The following QRICH2 variants were observed in gnomAD, a reference collection of about 807,000 sequenced individuals.
The protein encoded by QRICH2 is glutamine rich 2.
QRICH2 carries 119 observed loss-of-function variants against 168.3 expected under a neutral mutation model. The observed-to-expected ratio is 0.71, with a 90% confidence interval of 0.61 to 0.82. The LOEUF (loss-of-function observed/expected upper bound fraction) is 0.82, where lower values mean the gene tolerates loss of function less well. QRICH2 is among the 40% of genes least tolerant of loss of function. The pLI is 0.00. For missense variants in QRICH2, 2,241 were observed against 2,491.6 expected, an observed-to-expected ratio of 0.90 and a Z score of 2.14; for synonymous variants, 894 against 951.2, an observed-to-expected ratio of 0.94 and a Z score of 1.11.
intron 6 of QRICH2, 116 bp from the exon 7 acceptor site, chr17:76,287,422 C>A: frequency 1.4e-6 from 1 of 738,376 alleles, no homozygotes; most frequent in Non-Finnish European, 2.4e-6. Context: ...TCACCCTCCA[C>A]CCCCCTCCAA....
In QRICH2 at chr17:76,305,037, TCAGA is replaced by T. The variant is rs1030683854; in HGVS notation, c.535-100_535-97del. On this transcript the variant is annotated intron_variant, in intron 1 of 18. Transcript: ENST00000680821. Reference sequence around the variant, plus strand: ...CAGATGCGCACACACACTCTCACACTCAGACACACACATGCATACACGCACATTC... The same window carrying T: ...CAGATGCGCACACACACTCTCACACTCACACACATGCATACACGCACATTC... The T allele has an allele frequency of 4.7e-4, 401 of 846,522 alleles. 1 individual carries two copies. In the African/African-American group the frequency reaches 5.5e-3, roughly 12 times the overall value. 52.4% of individuals were successfully genotyped at this position (846,522 alleles called of 1,614,324 possible). A position where few individuals can be genotyped will look rare whatever the true frequency, so the allele number is the denominator to read the frequency against.
Position 76,292,355 on chromosome 17 carries a change from A to G in QRICH2, c.2372T>C (p.Leu791Ser). 6.4e-7 allele frequency: 1 copy of G among 1,551,120 alleles called. No individual in the cohort carries two copies. The highest frequency in any genetic ancestry group is 8.7e-7 in the Non-Finnish European group (1 of 1,149,760). The change falls in exon 4 of 19, where the codon TTG becomes TCG. Residue 791 changes from leucine (L) to serine (S), a missense_variant. Leu to Ser is a moderately radical substitution (Grantham distance 145). Around this residue, in one of 3 missense-constraint regions of QRICH2, gnomAD observed 2,047 missense variants for 2,303.8 expected, o/e 0.89. Transcript: ENST00000680821. ...LAQPGEVQRS[L>S]VQPGIVQRGL... ...ACGCTGAACTATACCAGGTTGCACCAAACTACGCTGAACTTCACCAGGTTG... is the reference window on the plus strand; with the variant it reads ...ACGCTGAACTATACCAGGTTGCACCGAACTACGCTGAACTTCACCAGGTTG...
At position 76,281,734 on chromosome 17, in the gene QRICH2, A is replaced by C; in HGVS notation, c.4263+130T>G. On this transcript the variant is annotated intron_variant, in intron 8 of 18. Coordinates refer to ENST00000680821, the MANE Select transcript of QRICH2 (RefSeq NM_001388453.1). This position sits in a 1 kb window ranked among gnomAD's most constrained non-coding sequence, Gnocchi z 4.4. ...AGGGACTCTTGTGGGATCTGGCTAA[A>C]GGGCTCCGCCACGGAGAGCTGACCT... is the stretch of plus-strand genomic sequence containing the variant. 5 of 1,141,950 alleles carry C rather than the reference A, an allele frequency of 4.4e-6. No homozygotes were observed. The South Asian group carries it at 7.1e-5, about 16-fold the overall frequency. 70.7% of individuals were successfully genotyped at this position (1,141,950 alleles called of 1,614,324 possible). A position where few individuals can be genotyped will look rare whatever the true frequency, so the allele number is the denominator to read the frequency against.
Position 76,293,390 on chromosome 17 carries a change from G to T in QRICH2, c.1337C>A (p.Ser446Ter). 6.2e-7 allele frequency: 1 copy of T among 1,614,224 alleles called. No individual in the cohort carries two copies. The highest frequency in any genetic ancestry group is 8.5e-7 in the Non-Finnish European group (1 of 1,180,040). ...TCCTTGCTGGTCTCTGCCAGGTACTGATGGTGGCAACATACGTTGCTCATC... is the reference window on the plus strand; with the variant it reads ...TCCTTGCTGGTCTCTGCCAGGTACTTATGGTGGCAACATACGTTGCTCATC... The part of the protein sequence containing the change: ...VVDEQRMLPP[S>*]VPGRDQQGLE... Residue 446 changes from serine (S) to a stop codon, truncating the protein, a stop_gained, in exon 4 of 19, where the codon TCA (serine) becomes TAA (stop). Transcript: ENST00000680821. LOFTEE classifies it high-confidence loss of function.
intron 1 of QRICH2, among the ~76,000 whole-genome samples, chr17:76,305,493 G>T (rs532953841): frequency 2.0e-5 from 3 of 152,264 alleles, no homozygotes; most frequent in East Asian, 1.9e-4. Context: ...GTCAGCCCAG[G>T]CTCCTGGGTC....
Position 76,281,217 on chromosome 17 carries a change from G to A in QRICH2, c.4264-264C>T, listed in dbSNP as rs1358118636. Among the ~76,000 whole-genome samples, 1 of 152,178 alleles carries A rather than the reference G, an allele frequency of 6.6e-6. No individual in the cohort carries two copies. Among genetic ancestry groups the A allele is most frequent in the Non-Finnish European group, 1.5e-5 (1 of 68,022 alleles). Reference sequence around the variant, plus strand: ...GAAAACAATTTTCCACTAACAGTGCGGGAGGCCCTCTGTCTGCCCTTTCTG... The same window carrying A: ...GAAAACAATTTTCCACTAACAGTGCAGGAGGCCCTCTGTCTGCCCTTTCTG... On this transcript the variant is annotated intron_variant, in intron 8 of 18. Transcript: ENST00000680821. This position sits in a 1 kb window ranked among gnomAD's most constrained non-coding sequence, Gnocchi z 4.4.
intron 3 of QRICH2, among the ~76,000 whole-genome samples, chr17:76,304,078 A>T (rs346789): frequency 4.6e-5 from 7 of 151,792 alleles, no homozygotes; most frequent in African/African-American, 1.7e-4. Flanking sequence ...TGGCAAAGCT[A>T]AAAAAATTGG....
Position 76,292,019 on chromosome 17 carries a change from T to G in QRICH2, c.2708A>C (p.Gln903Pro). 4.3e-6 allele frequency: 7 copies of G among 1,614,236 alleles called. No homozygotes were observed. Among genetic ancestry groups the G allele is most frequent in the Non-Finnish European group, 5.9e-6 (7 of 1,180,046 alleles). ...CATACCCAGCTGACCTGCACCAGGC[T>G]GGACCAAACCAGGCTGATCTGCACC... is the stretch of plus-strand genomic sequence containing the variant. Reference protein sequence around the residue: ...QPGADQPGLVQPGAGQLGMVQ... With the variant: ...QPGADQPGLVPPGAGQLGMVQ... Residue 903 changes from glutamine to proline, a missense_variant, in exon 4 of 19, where the codon CAG becomes CCG. Physicochemically the swap from Gln to Pro is moderately conservative, Grantham distance 76. This residue lies in a region of QRICH2 where 2,047 missense variants were observed against 2,303.8 expected (regional missense o/e 0.89). Coordinates refer to ENST00000680821, the MANE Select transcript of QRICH2 (RefSeq NM_001388453.1).
At chr17:76,304,358 G>A (rs2070954802) in intron 3 of QRICH2, 57 bp downstream of exon 3, 1 of 1,093,382 alleles carries the variant, frequency 9.1e-7, no homozygotes, top group Non-Finnish European at 1.4e-6. Flanking sequence ...GCTGTACAAA[G>A]CGAGAAGTTC....
At position 76,281,137 on chromosome 17, in the gene QRICH2, C is replaced by T. The variant is rs1568108009; in HGVS notation, c.4264-184G>A. The stretch of plus-strand genomic sequence containing the variant: ...GTGAGGCGAGAGGATCACTTGAGCC[C>T]AGGAGTTCAAGAACAGCCTGGGCAA... On this transcript the variant is annotated intron_variant, in intron 8 of 18. Coordinates refer to ENST00000680821, the MANE Select transcript of QRICH2 (RefSeq NM_001388453.1). The surrounding 1 kb of genome is among the most constrained non-coding windows in gnomAD (Gnocchi z 4.4). 6.6e-6 allele frequency among the ~76,000 whole-genome samples: 1 copy of T among 152,182 alleles called. No homozygotes were observed.
intron 18 of QRICH2, among the ~76,000 whole-genome samples, chr17:76,275,339 C>T (rs1360313876): frequency 2.0e-5 from 3 of 152,154 alleles, no homozygotes; most frequent in Non-Finnish European, 4.4e-5. Context: ...GGCTGCAGGG[C>T]CTTGTTACCA....
In QRICH2 at chr17:76,277,238, G is replaced by A. The variant is rs746391928; in HGVS notation, c.5190C>T (p.Tyr1730=). Residue 1730 remains tyrosine, a synonymous_variant, in exon 16 of 19, where the codon TAC becomes TAT. Transcript: ENST00000680821. Reference sequence around the variant, plus strand: ...GCTGCGGGCGGCTGCGGTGGTAGGGGTAGGTGAGGGTGTGGCTGCCCCCGC... The same window carrying A: ...GCTGCGGGCGGCTGCGGTGGTAGGGATAGGTGAGGGTGTGGCTGCCCCCGC... ...RRCGGSHTLT[Y]PYHRSRPQHL... 6.2e-7 allele frequency: 1 copy of A among 1,603,720 alleles called. No individual in the cohort carries two copies. The highest frequency in any genetic ancestry group is 1.1e-5 in the South Asian group (1 of 89,888).
rs911583751 is a variant in QRICH2, at chr17:76,292,695, G to T, written c.2032C>A (p.Arg678Ser). The T allele has an allele frequency of 6.2e-7, 1 of 1,613,416 alleles. No individual in the cohort carries two copies. Among genetic ancestry groups the T allele is most frequent in the African/African-American group, 1.3e-5 (1 of 74,666 alleles). The change falls in exon 4 of 19, where the codon CGT becomes AGT. Residue 678 changes from arginine (R) to serine (S), a missense_variant. Transcript: ENST00000680821. Reference sequence around the variant, plus strand: ...TATGCACCAGGCTGCACCAAAGCACGCTGAAATCTGCCAGGTTGGACCATG... The same window carrying T: ...TATGCACCAGGCTGCACCAAAGCACTCTGAAATCTGCCAGGTTGGACCATG... Reference protein sequence around the residue: ...PGMVQPGRFQRALVQPGAYQP... With the variant: ...PGMVQPGRFQSALVQPGAYQP...
chr17:76,290,228 G>GT (rs1462965898), intron 4 of QRICH2, 151 bp from the exon 5 acceptor site: 1 of 537,220 alleles, frequency 1.9e-6, no homozygotes, highest in Non-Finnish European at 3.3e-6. Flanking sequence ...GGAAAGGGAG[G>GT]TGGGAAGAAG....
rs78570050 is a variant in QRICH2, at chr17:76,292,772, T to G, written c.1955A>C (p.Gln652Pro). The G allele has an allele frequency of 8.3e-4, 1,335 of 1,613,690 alleles. 25 individuals carry two copies. In the East Asian group the frequency reaches 0.025, roughly 30 times the overall value. Reference protein sequence around the residue: ...QPGTGQHDLVQSGTGQGVLVQ... With the variant: ...QPGTGQHDLVPSGTGQGVLVQ... Reference sequence around the variant, plus strand: ...CAAGACACCCTGACCTGTGCCAGATTGGACCAAATCATGCTGACCTGTGCC... The same window carrying G: ...CAAGACACCCTGACCTGTGCCAGATGGGACCAAATCATGCTGACCTGTGCC... Residue 652 changes from glutamine (Q) to proline (P), a missense_variant, in exon 4 of 19, where the codon CAA becomes CCA. Transcript: ENST00000680821.
At position 76,307,915 on chromosome 17, in the gene QRICH2, C is replaced by T. The variant is rs2071016440; in HGVS notation, c.84G>A (p.Thr28=). Residue 28 remains threonine (T), a synonymous_variant, in exon 1 of 19, where the codon ACG becomes ACA. Coordinates refer to ENST00000680821, the MANE Select transcript of QRICH2 (RefSeq NM_001388453.1). The surrounding 1 kb of genome is among the most constrained non-coding windows in gnomAD (Gnocchi z 5.3). ...TGGCCACGATGAGCGTGTGCAGGGC[C>T]GTGAAGTTGACGGCGCCCACCTCTG... ...GTPEVGAVNF[T]ALHTLIVAML... 1.6e-6 allele frequency: 2 copies of T among 1,239,452 alleles called. No individual in the cohort carries two copies. Among genetic ancestry groups the T allele is most frequent in the Non-Finnish European group, 2.0e-6 (2 of 992,148 alleles). The allele number at this position is 1,239,452 out of a possible 1,614,324, so 76.8% of individuals were successfully genotyped here.
intron 3 of QRICH2, among the ~76,000 whole-genome samples, chr17:76,300,581 C>T (rs1247482529): frequency 1.3e-5 from 2 of 152,106 alleles, no homozygotes; most frequent in Non-Finnish European, 2.9e-5. Context: ...TGGGTTTTGG[C>T]AGACAGTGGT....
chr17:76,292,718 A>G lies in QRICH2; in HGVS notation c.2009T>C (p.Met670Thr). 6.2e-7 allele frequency: 1 copy of G among 1,610,204 alleles called. No homozygotes were observed. The highest frequency in any genetic ancestry group is 8.5e-7 in the Non-Finnish European group (1 of 1,178,564). Residue 670 changes from methionine (M) to threonine (T), a missense_variant, in exon 4 of 19, where the codon ATG (methionine) becomes ACG (threonine). By Grantham distance (81) the Met-to-Thr change is moderately conservative. This residue lies in a region of QRICH2 where 2,047 missense variants were observed against 2,303.8 expected (regional missense o/e 0.89). Coordinates refer to ENST00000680821, the MANE Select transcript of QRICH2 (RefSeq NM_001388453.1). Reference protein sequence around the residue: ...LVQPGVDQPGMVQPGRFQRAL... With the variant: ...LVQPGVDQPGTVQPGRFQRAL... The stretch of plus-strand genomic sequence containing the variant: ...ACGCTGAAATCTGCCAGGTTGGACC[A>G]TGCCAGGCTGATCTACACCAGGCTG...
chr17:76,307,780 C>T lies in QRICH2; in HGVS notation c.219G>A (p.Leu73=). 7.2e-7 allele frequency: 1 copy of T among 1,383,770 alleles called. No individual in the cohort carries two copies. Among genetic ancestry groups the T allele is most frequent in the Non-Finnish European group, 9.3e-7 (1 of 1,073,148 alleles). The allele number at this position is 1,383,770 out of a possible 1,614,324, so 85.7% of individuals were successfully genotyped here. A position where few individuals can be genotyped will look rare whatever the true frequency, so the allele number is the denominator to read the frequency against. Residue 73 remains leucine (L), a synonymous_variant, in exon 1 of 19, where the codon CTG becomes CTA. Transcript: ENST00000680821. The surrounding 1 kb of genome is among the most constrained non-coding windows in gnomAD (Gnocchi z 5.3). ...CCTTGGGCACCTCCTTGGGCGCGGGCAGGTGCGGGATGCTGAACGAGCTCC... is the reference window on the plus strand; with the variant it reads ...CCTTGGGCACCTCCTTGGGCGCGGGTAGGTGCGGGATGCTGAACGAGCTCC... ...SVRSSFSIPH[L]PAPKEVPKGA...
Sources: gnomAD v4.1 joint callset for allele counts (sites outside exome capture counted in the v4.1 genomes callset) on GRCh38, gnomAD v4.1.1 for gene constraint, gnomAD v4.1.1 regional missense constraint, Gnocchi (gnomAD v3.1) non-coding constraint, MANE v1.5 for transcripts, NCBI Gene and HGNC (gene_info 2026-07-23, HGNC 2026-07-21) for gene names.